The following CYP2C19 variants were observed in gnomAD, a reference collection of about 807,000 sequenced individuals.
CYP2C19 encodes cytochrome P450 family 2 subfamily C member 19, also known as cytochrome P450 2C19.
Under a neutral mutation model 40.9 loss-of-function variants are expected in CYP2C19, and 59 were observed. The observed-to-expected ratio is 1.44, with a 90% CI of 1.17 to 1.79. The LOEUF is 1.79. Among genes scored for constraint, CYP2C19 ranks in the 40% most tolerant of loss-of-function variants. CYP2C19 has a pLI of 0.00. For missense variants in CYP2C19, 754 were observed against 596.9 expected (o/e 1.26, Z -2.74); for synonymous variants, 253 against 208.7 (o/e 1.21, Z -1.83).
At chr10:94,841,305 T>C (rs538546242) in intron 6 of CYP2C19, among the ~76,000 whole-genome samples, 3 of 152,182 alleles carry the variant, frequency 2.0e-5, no homozygotes, top group African/African-American at 4.8e-5. Context: ...CTATCGGGAA[T>C]GGCAATGGGA....
At chr10:94,836,480 T>G (rs1849405516) in intron 6 of CYP2C19, among the ~76,000 whole-genome samples, 1 of 152,244 alleles carries the variant, frequency 6.6e-6, no homozygotes, top group South Asian at 2.1e-4. Flanking sequence ...CTTTAGGGCC[T>G]GGAAAGCCAC....
chr10:94,847,334 T>A (rs1302409646), intron 7 of CYP2C19, among the ~76,000 whole-genome samples: 1 of 152,148 alleles, frequency 6.6e-6, no homozygotes, highest in Non-Finnish European at 1.5e-5. Context: ...GGTGTTTGGT[T>A]TTTTGTCCTT....
chr10:94,843,950 T>C (rs1219642726), intron 7 of CYP2C19, among the ~76,000 whole-genome samples: 5 of 152,192 alleles, frequency 3.3e-5, no homozygotes, highest in Non-Finnish European at 7.3e-5. Context: ...CCCTCACATA[T>C]ATATAGAAAT....
At chr10:94,820,872 C>T (rs1295481669) in intron 6 of CYP2C19, among the ~76,000 whole-genome samples, 2 of 152,088 alleles carry the variant, frequency 1.3e-5, no homozygotes, top group African/African-American at 2.4e-5. Context: ...ACCATTGAGG[C>T]TAGGAGTTCA....
intron 5 of CYP2C19, among the ~76,000 whole-genome samples, chr10:94,800,010 C>T (rs1220650186): frequency 6.6e-6 from 1 of 152,188 alleles, no homozygotes; most frequent in African/African-American, 2.4e-5. Flanking sequence ...TCTGTCAACT[C>T]ATCAAAGTCA....
At chr10:94,849,632 TC>T (rs1480383025) in intron 7 of CYP2C19, among the ~76,000 whole-genome samples, 3 of 54,436 alleles carry the variant, frequency 5.5e-5, no homozygotes, top group Non-Finnish European at 1.0e-4. Flanking sequence ...CCCTCCCCCC[TC>T]CCCCCACCCC....
intron 6 of CYP2C19, among the ~76,000 whole-genome samples, chr10:94,836,828 G>A (rs1849412047): frequency 6.6e-6 from 1 of 152,194 alleles, no homozygotes; most frequent in African/African-American, 2.4e-5. Flanking sequence ...ATGGCACAAG[G>A]TTTCTGAACA....
At chr10:94,824,605 C>T (rs1242529492) in intron 6 of CYP2C19, among the ~76,000 whole-genome samples, 1 of 151,842 alleles carries the variant, frequency 6.6e-6, no homozygotes, top group Non-Finnish European at 1.5e-5. Context: ...TGTTTTTTTC[C>T]AAGACAGTAA....
chr10:94,832,101 C>A lies in CYP2C19; in HGVS notation c.962-10736C>A, dbSNP rs530778279. 3.5e-4 allele frequency among the ~76,000 whole-genome samples: 53 copies of A among 152,234 alleles called. 1 individual carries two copies. The South Asian group carries it at 0.011, about 32-fold the overall frequency. ...TTGTATGTGGCAAGATATATGAGTC[C>A]AGATTCATCCCTCTGTGTAGGATAT... On this transcript the variant is annotated intron_variant, in intron 6 of 8. Coordinates refer to ENST00000371321, the MANE Select transcript of CYP2C19 (RefSeq NM_000769.4).
chr10:94,804,528 G>T (rs190773410), intron 5 of CYP2C19, among the ~76,000 whole-genome samples: 1 of 152,178 alleles, frequency 6.6e-6, no homozygotes, highest in South Asian at 2.1e-4. Context: ...GCTTTTCCTG[G>T]TGTCTTTCCC....
chr10:94,801,731 C>G (rs1344134589), intron 5 of CYP2C19, among the ~76,000 whole-genome samples: 3 of 152,122 alleles, frequency 2.0e-5, no homozygotes, highest in Non-Finnish European at 4.4e-5. Flanking sequence ...GTCTAAGTCT[C>G]TTTTTAGGTC....
intron 5 of CYP2C19, among the ~76,000 whole-genome samples, chr10:94,796,587 G>A (rs971132413): frequency 2.6e-5 from 4 of 152,118 alleles, no homozygotes; most frequent in Admixed American, 6.5e-5. Context: ...ACCTTGGGCA[G>A]TATGGCCATT....
intron 1 of CYP2C19, among the ~76,000 whole-genome samples, chr10:94,765,416 C>T (rs1041849947): frequency 6.6e-6 from 1 of 152,026 alleles, no homozygotes; most frequent in African/African-American, 2.4e-5. Flanking sequence ...TGGGTAGACA[C>T]AACTGGTTGT....
chr10:94,824,877 AT>A (rs1038591643), intron 6 of CYP2C19, among the ~76,000 whole-genome samples: 11 of 146,048 alleles, frequency 7.5e-5, no homozygotes, highest in African/African-American at 2.8e-4. Flanking sequence ...TCATTGTTCA[AT>A]TCCCACCTAT....
intron 5 of CYP2C19, among the ~76,000 whole-genome samples, chr10:94,806,964 C>T (rs1375286133): frequency 1.3e-5 from 2 of 151,846 alleles, no homozygotes; most frequent in African/African-American, 2.4e-5. Context: ...TTATAGTCAC[C>T]CTACACTGCT....
intron 6 of CYP2C19, among the ~76,000 whole-genome samples, chr10:94,838,195 C>T (rs1320644084): frequency 1.3e-5 from 2 of 152,164 alleles, no homozygotes; most frequent in Non-Finnish European, 2.9e-5. Context: ...GTCTGTGGCA[C>T]CAATCTCCAT....
intron 1 of CYP2C19, among the ~76,000 whole-genome samples, chr10:94,769,787 T>C (rs117395468): frequency 0.078 from 11,793 of 152,140 alleles, 532 homozygotes; most frequent in South Asian, 0.12. Flanking sequence ...CATTTTTTGC[T>C]CTTCCAAATT....
chr10:94,787,233 A>G (rs946861724), intron 5 of CYP2C19, among the ~76,000 whole-genome samples: 2 of 152,006 alleles, frequency 1.3e-5, no homozygotes, highest in African/African-American at 4.8e-5. Flanking sequence ...TTTGATTTGC[A>G]TTTCTCTGAT....
chr10:94,770,669 G>A (rs940084401), intron 1 of CYP2C19, among the ~76,000 whole-genome samples: 1 of 152,130 alleles, frequency 6.6e-6, no homozygotes, highest in Admixed American at 6.5e-5. Flanking sequence ...GGTGACAGGG[G>A]AGTATATTTT....
Sources: allele counts gnomAD v4.1 joint callset (sites outside exome capture counted in the v4.1 genomes callset), GRCh38; gene constraint gnomAD v4.1.1; transcripts MANE v1.5; gene names NCBI Gene and HGNC (gene_info 2026-07-23, HGNC 2026-07-21).